Variants in PDE6A observed in about 807,000 individuals in gnomAD.
PDE6A encodes the protein rod cGMP-specific 3',5'-cyclic phosphodiesterase subunit alpha.
PDE6A carries 84 observed loss-of-function variants against 106.3 expected under a neutral mutation model. That is an observed-to-expected ratio of 0.79 (90% CI 0.66 to 0.95). The LOEUF is 0.95. Among genes scored for constraint, PDE6A ranks in the 40% least tolerant of loss-of-function variants. The pLI, the probability that PDE6A is intolerant of heterozygous loss-of-function variation, is 0.00. For missense variants in PDE6A, 1,052 were observed against 1,084.9 expected, an observed-to-expected ratio of 0.97 and a Z score of 0.43; for synonymous variants, 394 against 386.6, an observed-to-expected ratio of 1.02 and a Z score of -0.23.
rs1390049598 is a variant in PDE6A, at chr5:149,860,314, C to G, written c.*581G>C. ...TCTGGGTGATGGGTATGTGGGGATT[C>G]AACGTACAATTCTCTACTTTTGAAA... On this transcript the variant is annotated 3_prime_UTR_variant, in exon 22 of 22. Transcript: ENST00000255266. 6.6e-6 allele frequency: 1 copy of G among 152,210 alleles called. No individual in the cohort carries two copies. The highest frequency in any genetic ancestry group is 1.9e-4 in the East Asian group (1 of 5,204). 9.4% of individuals were successfully genotyped at this position (152,210 alleles called of 1,614,324 possible).
chr5:149,901,452 C>T (rs1752976053), intron 8 of PDE6A, among the ~76,000 whole-genome samples: 1 of 152,102 alleles, frequency 6.6e-6, no homozygotes, highest in African/African-American at 2.4e-5. Context: ...CGCTTGAACC[C>T]AGGAGGCGGA....
chr5:149,917,624 C>T (rs970831720), intron 5 of PDE6A, among the ~76,000 whole-genome samples: 5 of 152,130 alleles, frequency 3.3e-5, no homozygotes, highest in African/African-American at 4.8e-5. Context: ...CAGGCTACCC[C>T]CAGGGGTAGT....
intron 3 of PDE6A, chr5:149,932,363 T>C: frequency 7.1e-7 from 1 of 1,410,918 alleles, no homozygotes; most frequent in Non-Finnish European, 1.0e-6. Context: ...CCAGAAAATC[T>C]AGTGGTCTTT....
At chr5:149,908,722 T>C (rs1753279497) in intron 6 of PDE6A, among the ~76,000 whole-genome samples, 1 of 152,200 alleles carries the variant, frequency 6.6e-6, no homozygotes, top group African/African-American at 2.4e-5. Context: ...TTTTGTTCCT[T>C]AAATATTAAT....
Position 149,860,816 on chromosome 5 carries a change from G to A in PDE6A, c.*79C>T. On this transcript the variant is annotated 3_prime_UTR_variant, in exon 22 of 22. Coordinates refer to ENST00000255266, the MANE Select transcript of PDE6A (RefSeq NM_000440.3). ...TCCTATGACTCTTCTACTTCTCAAG[G>A]TGTGTGGTCTTCCACTGGCTTGAGT... 8.8e-7 allele frequency: 1 copy of A among 1,135,228 alleles called. No individual in the cohort carries two copies. The highest frequency in any genetic ancestry group is 1.3e-6 in the Non-Finnish European group (1 of 746,532). 70.3% of individuals were successfully genotyped at this position (1,135,228 alleles called of 1,614,324 possible).
intron 20 of PDE6A, among the ~76,000 whole-genome samples, chr5:149,864,912 T>G (rs1760270446): frequency 6.6e-6 from 1 of 152,144 alleles, no homozygotes; most frequent in Non-Finnish European, 1.5e-5. Context: ...CTTAGCCCAG[T>G]CTCCCTTATT....
chr5:149,905,351 T>C (rs962711112), intron 7 of PDE6A, among the ~76,000 whole-genome samples: 3 of 152,184 alleles, frequency 2.0e-5, no homozygotes, highest in Non-Finnish European at 2.9e-5. Context: ...CCTGATATCT[T>C]CCAAATCTCT....
chr5:149,866,273 G>T lies in PDE6A; in HGVS notation c.2275-20C>A. On this transcript the variant is annotated intron_variant, in intron 19 of 21. Coordinates refer to ENST00000255266, the MANE Select transcript of PDE6A (RefSeq NM_000440.3). ...CATGGGCTGTCATGGGGGAGAAAGA[G>T]TTAATTGCACTGGACAGTAAGAGAA... 1.3e-6 allele frequency: 2 copies of T among 1,575,880 alleles called. No homozygotes were observed. Among genetic ancestry groups the T allele is most frequent in the African/African-American group, 1.3e-5 (1 of 74,224 alleles).
chr5:149,938,707 G>A (rs188124339), intron 1 of PDE6A, among the ~76,000 whole-genome samples: 1 of 152,254 alleles, frequency 6.6e-6, no homozygotes, highest in African/African-American at 2.4e-5. Context: ...ATATTGCACA[G>A]GATCTTCTTT....
chr5:149,933,779 T>C, intron 3 of PDE6A, 151 bp downstream of exon 3: 2 of 674,002 alleles, frequency 3.0e-6, no homozygotes, highest in Non-Finnish European at 5.4e-6. Flanking sequence ...TATACAGCTT[T>C]ACAGACAACC....
intron 13 of PDE6A, among the ~76,000 whole-genome samples, chr5:149,886,719 TAGA>T (rs1752321245): frequency 6.6e-6 from 1 of 152,198 alleles, no homozygotes; most frequent in Non-Finnish European, 1.5e-5. Context: ...GAGAAACTTG[TAGA>T]AGTCAGGTTT....
At chr5:149,861,589 G>T (rs771148290) in intron 21 of PDE6A, among the ~76,000 whole-genome samples, 17 of 152,298 alleles carry the variant, frequency 1.1e-4, no homozygotes, top group Non-Finnish European at 2.4e-4. Context: ...ATTTGAGGCT[G>T]CAGTGAGCTA....
chr5:149,863,034 G>A lies in PDE6A; in HGVS notation c.2506+85C>T, dbSNP rs374710201. 2.1e-5 allele frequency: 32 copies of A among 1,510,928 alleles called. No homozygotes were observed. Among genetic ancestry groups the A allele is most frequent in the African/African-American group, 8.2e-5 (6 of 72,898 alleles). The allele number at this position is 1,510,928 out of a possible 1,614,324, so 93.6% of individuals were successfully genotyped here. A position where few individuals can be genotyped will look rare whatever the true frequency, so the allele number is the denominator to read the frequency against. On this transcript the variant is annotated intron_variant, in intron 21 of 21. Transcript: ENST00000255266. The surrounding 1 kb of genome is among the most constrained non-coding windows in gnomAD (Gnocchi z 4.7). ...CATCAGGAGGCCTGAATGAGACTCC[G>A]TGTAAGAGTCTCTGAGGCAGGACGC... is the stretch of plus-strand genomic sequence containing the variant.
chr5:149,865,771 G>T (rs1760310390), intron 20 of PDE6A, among the ~76,000 whole-genome samples: 2 of 152,202 alleles, frequency 1.3e-5, no homozygotes, highest in Non-Finnish European at 2.9e-5. Context: ...TGGGAGCAAT[G>T]GGTTTCTCAA....
intron 8 of PDE6A, among the ~76,000 whole-genome samples, chr5:149,903,132 G>C (rs754857232): frequency 8.1e-6 from 1 of 123,224 alleles, no homozygotes; most frequent in African/African-American, 3.1e-5. Context: ...CTGGGCAACA[G>C]AGTGAGACCC....
chr5:149,900,393 A>ATATATATATATATATATATATATATATG (rs1561739045), intron 8 of PDE6A, among the ~76,000 whole-genome samples: 9 of 131,166 alleles, frequency 6.9e-5, no homozygotes, highest in Admixed American at 6.6e-4. Context: ...ATATATATAT[A>ATATATATATATATATATATATATATATG]TATATCCGTT....
At chr5:149,905,358 C>G (rs867133202) in intron 7 of PDE6A, among the ~76,000 whole-genome samples, 1 of 152,202 alleles carries the variant, frequency 6.6e-6, no homozygotes, top group Non-Finnish European at 1.5e-5. Context: ...TCTTCCAAAT[C>G]TCTGCTTCCA....
intron 1 of PDE6A, among the ~76,000 whole-genome samples, chr5:149,935,363 T>C (rs868743994): frequency 6.6e-6 from 1 of 152,102 alleles, no homozygotes; most frequent in Non-Finnish European, 1.5e-5. Flanking sequence ...GTCTAGGTCA[T>C]TGAACAAAAG....
chr5:149,928,225 A>T (rs1348187621), intron 4 of PDE6A, among the ~76,000 whole-genome samples: 4 of 28,058 alleles, frequency 1.4e-4, no homozygotes, highest in African/African-American at 9.5e-4. Flanking sequence ...ATATATATAT[A>T]TATATATTTT....
Sources: allele counts gnomAD v4.1 joint callset (sites outside exome capture counted in the v4.1 genomes callset), GRCh38; gene constraint gnomAD v4.1.1; non-coding constraint Gnocchi (gnomAD v3.1); transcripts MANE v1.5; gene names NCBI Gene and HGNC (gene_info 2026-07-23, HGNC 2026-07-21).